Variants in GRB10 observed in about 807,000 individuals in gnomAD.
The protein encoded by GRB10 is growth factor receptor-bound protein 10.
Under a neutral mutation model 80.9 loss-of-function variants are expected in GRB10, and 20 were observed. That is an observed-to-expected ratio of 0.25 (90% CI 0.17 to 0.36). The LOEUF (loss-of-function observed/expected upper bound fraction) is 0.36. Ranked by LOEUF, GRB10 falls within the 10% of genes least tolerant of loss-of-function variation. GRB10 has a pLI of 1.00. For synonymous variants in GRB10, 291 were observed against 291.5 expected (o/e 1.00, Z 0.02); for missense variants, 548 against 747.7 (o/e 0.73, Z 3.12).
At chr7:50,616,370 A>G (rs769624722) in intron 10 of GRB10, 23 bp from the exon 11 acceptor site, 5 of 1,601,788 alleles carry the variant, frequency 3.1e-6, no homozygotes. Flanking sequence ...AAATTTTTAA[A>G]ATCACATAAT....
At chr7:50,714,436 T>A (rs973787324) in intron 4 of GRB10, among the ~76,000 whole-genome samples, 1 of 152,112 alleles carries the variant, frequency 6.6e-6, no homozygotes, top group East Asian at 1.9e-4. Flanking sequence ...GGTCAAGGTA[T>A]GCAGATCACG....
chr7:50,692,512 C>T (rs2299155), intron 5 of GRB10, among the ~76,000 whole-genome samples: 10,124 of 152,080 alleles, frequency 0.067, 405 homozygotes, highest in East Asian at 0.17. Flanking sequence ...GAAGACAGGG[C>T]GCTAGGGACC....
At chr7:50,758,321 T>G (rs577491319) in intron 2 of GRB10, among the ~76,000 whole-genome samples, 1 of 152,292 alleles carries the variant, frequency 6.6e-6, no homozygotes, top group South Asian at 2.1e-4. Flanking sequence ...CTCAGCTATT[T>G]CCCTATCAGT....
intron 2 of GRB10, among the ~76,000 whole-genome samples, chr7:50,757,938 G>A (rs1475018291): frequency 1.3e-5 from 2 of 152,132 alleles, no homozygotes; most frequent in Non-Finnish European, 1.5e-5. Context: ...TTTCTCATGG[G>A]CACGATAAAT....
chr7:50,650,611 T>G (rs2057886681), intron 7 of GRB10, among the ~76,000 whole-genome samples: 1 of 152,172 alleles, frequency 6.6e-6, no homozygotes, highest in South Asian at 2.1e-4. Context: ...GTGGTGGCCC[T>G]GGGAAGATGT....
rs1362834188 is a variant in GRB10, at chr7:50,698,106, A to T, written c.139+5715T>A. Among the ~76,000 whole-genome samples, 5 of 152,088 alleles carry T rather than the reference A, an allele frequency of 3.3e-5. No homozygotes were observed. In the South Asian group the frequency reaches 1.0e-3, roughly 32 times the overall value. On this transcript the variant is annotated intron_variant, in intron 5 of 18. Coordinates refer to ENST00000401949, the MANE Select transcript of GRB10 (RefSeq NM_001350814.2). ...CACATCATGCTTTCCTTTTTTGTAA[A>T]CTGCCTGCTCATGTTCTTTGCCAGT...
In GRB10 at chr7:50,669,844, G is replaced by C. The variant is rs758612237; in HGVS notation, c.382C>G (p.Gln128Glu). Reference sequence around the variant, plus strand: ...GGCAGAGATGAGGTTCTAAACTGCTGGTCTTCCTCCTGAAGGCGCCTGGAA... The same window carrying C: ...GGCAGAGATGAGGTTCTAAACTGCTCGTCTTCCTCCTGAAGGCGCCTGGAA... ...LAVRRLQEED[Q>E]QFRTSSLPAI... Residue 128 changes from glutamine (Q) to glutamate (E), a missense_variant, in exon 7 of 19, where the codon CAG becomes GAG. Physicochemically the swap from Gln to Glu is conservative, Grantham distance 29 (BLOSUM62 2). This residue lies in a region of GRB10 where 245 missense variants were observed against 229.3 expected (regional missense o/e 1.07). Transcript: ENST00000401949. 1.2e-6 allele frequency: 2 copies of C among 1,612,828 alleles called. No individual in the cohort carries two copies. The highest frequency in any genetic ancestry group is 3.3e-5 in the Admixed American group (2 of 59,864).
At chr7:50,609,993 A>C (rs1304639814) in intron 13 of GRB10, among the ~76,000 whole-genome samples, 1 of 152,162 alleles carries the variant, frequency 6.6e-6, no homozygotes, top group Non-Finnish European at 1.5e-5. Context: ...AGGTTAATTC[A>C]AAATAACAAC....
rs2045922505 is a variant in GRB10 at position 50,592,251 on chromosome 7, T to C, written c.*701A>G. On this transcript the variant is annotated 3_prime_UTR_variant, in exon 19 of 19. Transcript: ENST00000401949. ...CTGACATCTGAGCATAGAGAAATGA[T>C]TAACAGACTGTGGTTGCTTGACTGA... The C allele has an allele frequency of 6.4e-6, 1 of 155,322 alleles. No homozygotes were observed. The highest frequency in any genetic ancestry group is 1.4e-5 in the Non-Finnish European group (1 of 70,126). The allele number at this position is 155,322 out of a possible 1,614,324, so 9.6% of individuals were successfully genotyped here.
At chr7:50,743,590 C>G (rs1221884911) in intron 3 of GRB10, among the ~76,000 whole-genome samples, 1 of 152,216 alleles carries the variant, frequency 6.6e-6, no homozygotes, top group African/African-American at 2.4e-5. Flanking sequence ...ACTTGGCCAG[C>G]AGTTACTCCT....
intron 7 of GRB10, among the ~76,000 whole-genome samples, chr7:50,627,902 C>T (rs181047872): frequency 6.6e-6 from 1 of 152,220 alleles, no homozygotes; most frequent in African/African-American, 2.4e-5. Flanking sequence ...GGGGGGCAGG[C>T]TGTCTCCGGG....
intron 5 of GRB10, among the ~76,000 whole-genome samples, chr7:50,688,292 G>A (rs1468454080): frequency 2.0e-5 from 3 of 152,178 alleles, no homozygotes; most frequent in African/African-American, 4.8e-5. Flanking sequence ...AACATAAACT[G>A]CAAAGGCAGA....
Position 50,591,454 on chromosome 7 carries a change from G to A in GRB10, c.*1498C>T, listed in dbSNP as rs982206402. ...CATTAATAGAAGCCAGGCAGGTGTT[G>A]TCTTGAAAAAGGAAATCATTCTGCT... On this transcript the variant is annotated 3_prime_UTR_variant, in exon 19 of 19. Transcript: ENST00000401949. The A allele has an allele frequency of 2.0e-5, 3 of 152,216 alleles. No homozygotes were observed. In the South Asian group the frequency reaches 6.2e-4, roughly 32 times the overall value. 9.4% of individuals were successfully genotyped at this position (152,216 alleles called of 1,614,324 possible).
chr7:50,637,383 CAAT>C (rs976559783), intron 7 of GRB10, among the ~76,000 whole-genome samples: 10 of 152,210 alleles, frequency 6.6e-5, no homozygotes, highest in African/African-American at 1.9e-4. Context: ...TTCTATACAA[CAAT>C]AATATTCAAG....
chr7:50,659,754 A>G (rs2059049511), intron 7 of GRB10, among the ~76,000 whole-genome samples: 1 of 152,262 alleles, frequency 6.6e-6, no homozygotes, highest in African/African-American at 2.4e-5. Flanking sequence ...TCCATCCTTC[A>G]GTGGTGGCCA....
At chr7:50,693,014 C>G (rs547183982) in intron 5 of GRB10, among the ~76,000 whole-genome samples, 1 of 152,130 alleles carries the variant, frequency 6.6e-6, no homozygotes, top group Admixed American at 6.5e-5. Flanking sequence ...GCACAGGCCT[C>G]AAAGTCATCA....
At chr7:50,597,363 C>T (rs929400704) in intron 17 of GRB10, among the ~76,000 whole-genome samples, 1 of 152,202 alleles carries the variant, frequency 6.6e-6, no homozygotes, top group Non-Finnish European at 1.5e-5. Context: ...CACGCGGCAC[C>T]GCCAGAGAGA....
At chr7:50,705,416 T>C (rs940762035) in intron 4 of GRB10, 1 of 443,678 alleles carries the variant, frequency 2.3e-6, no homozygotes, top group Non-Finnish European at 3.0e-6. Context: ...GAAATAGCTT[T>C]CTTTTCATTT....
At chr7:50,664,762 G>C (rs969238506) in intron 7 of GRB10, among the ~76,000 whole-genome samples, 15 of 152,124 alleles carry the variant, frequency 9.9e-5, no homozygotes, top group African/African-American at 3.6e-4. Flanking sequence ...GCCGGAGCAT[G>C]GTGCTTGGCC....
Sources: gnomAD v4.1 joint callset for allele counts (sites outside exome capture counted in the v4.1 genomes callset) on GRCh38, gnomAD v4.1.1 for gene constraint, gnomAD v4.1.1 regional missense constraint, MANE v1.5 for transcripts, NCBI Gene and HGNC (gene_info 2026-07-23, HGNC 2026-07-21) for gene names.